Variants in FRMD6 observed in about 807,000 individuals in gnomAD.
FRMD6 encodes the protein FERM domain containing 6, also known as FERM domain-containing protein 6.
FRMD6 carries 37 observed loss-of-function variants against 73.2 expected under a neutral mutation model. The ratio of observed to expected loss-of-function variants is 0.51; its 90% CI spans 0.39 to 0.66. The LOEUF (loss-of-function observed/expected upper bound fraction) is 0.66, where lower values mean the gene tolerates loss of function less well. FRMD6 is among the 30% of genes least tolerant of loss of function. The pLI is 0.00. For synonymous variants in FRMD6, 273 were observed against 282.2 expected (o/e 0.97, Z 0.33); for missense variants, 714 against 780.5 (o/e 0.91, Z 1.02).
intron 2 of FRMD6, chr14:51,599,685 C>A (rs931413130): frequency 6.6e-6 from 1 of 152,088 alleles, no homozygotes; most frequent in Non-Finnish European, 1.5e-5. Flanking sequence ...GGGCAAAAGA[C>A]ACAAACAGAC....
At chr14:51,545,626 G>A (rs889445903) in intron 1 of FRMD6, among the ~76,000 whole-genome samples, 2 of 151,974 alleles carry the variant, frequency 1.3e-5, no homozygotes, top group Non-Finnish European at 2.9e-5. Context: ...ACTGCCTCCC[G>A]GGTAAGTTTA....
chr14:51,727,171 A>G (rs1007290365), intron 13 of FRMD6, among the ~76,000 whole-genome samples: 1 of 152,142 alleles, frequency 6.6e-6, no homozygotes, highest in Non-Finnish European at 1.5e-5. Flanking sequence ...CACCAAGAAC[A>G]CTTTATATTC....
At chr14:51,506,418 G>C (rs1288569083) in intron 1 of FRMD6, among the ~76,000 whole-genome samples, 1 of 152,302 alleles carries the variant, frequency 6.6e-6, no homozygotes, top group Non-Finnish European at 1.5e-5. Flanking sequence ...GCGAAAAGAG[G>C]CTCCAAGAGA....
the FRMD6 span, among the ~76,000 whole-genome samples, chr14:51,417,272 T>C: frequency 4.6e-5 from 7 of 152,300 alleles, no homozygotes; most frequent in South Asian, 1.2e-3. Flanking sequence ...ATTTGGCATG[T>C]TTTTGCAGTG....
chr14:51,455,583 A>G, the FRMD6 span, among the ~76,000 whole-genome samples: 3 of 152,322 alleles, frequency 2.0e-5, no homozygotes, highest in Admixed American at 2.0e-4. Context: ...GAGTTTTGCC[A>G]TCATCAGTCT....
intron 2 of FRMD6, among the ~76,000 whole-genome samples, chr14:51,633,086 A>G (rs1171231166): frequency 6.6e-6 from 1 of 152,232 alleles, no homozygotes; most frequent in Non-Finnish European, 1.5e-5. Context: ...AAATAGATGT[A>G]GCAAATAAAG....
intron 11 of FRMD6, 101 bp downstream of exon 11, chr14:51,720,491 G>A (rs920968308): frequency 2.0e-6 from 2 of 1,017,204 alleles, no homozygotes; most frequent in Admixed American, 4.3e-5. Context: ...TTAGGCAGTA[G>A]TAATAAAGTG....
chr14:51,689,827 C>A lies in FRMD6; in HGVS notation c.-10C>A, dbSNP rs753578612. 6.3e-7 allele frequency: 1 copy of A among 1,590,402 alleles called. No homozygotes were observed. The highest frequency in any genetic ancestry group is 8.6e-7 in the Non-Finnish European group (1 of 1,159,954). On this transcript the variant is annotated 5_prime_UTR_variant, in exon 2 of 14. Transcript: ENST00000344768. Reference sequence around the variant, plus strand: ...AGCCCAGCCCTGACCACCAGAGTGCCCAAAACACAATGAACAAATTGAATT... The same window carrying A: ...AGCCCAGCCCTGACCACCAGAGTGCACAAAACACAATGAACAAATTGAATT...
intron 1 of FRMD6, among the ~76,000 whole-genome samples, chr14:51,663,842 C>T (rs1225011963): frequency 6.6e-6 from 1 of 152,232 alleles, no homozygotes; most frequent in African/African-American, 2.4e-5. Flanking sequence ...CCCAGGTCAT[C>T]CCATGGTGGA....
the FRMD6 span, among the ~76,000 whole-genome samples, chr14:51,455,613 G>A: frequency 2.6e-5 from 4 of 152,218 alleles, no homozygotes; most frequent in East Asian, 5.8e-4. Flanking sequence ...TGGGTGAGTC[G>A]CTTAACTTCT....
the FRMD6 span, among the ~76,000 whole-genome samples, chr14:51,466,669 A>T: frequency 6.6e-6 from 1 of 152,334 alleles, no homozygotes; most frequent in East Asian, 1.9e-4. Context: ...AAATTTTAAA[A>T]GAAAGCTAAG....
At chr14:51,718,240 C>G (rs1897339010) in intron 10 of FRMD6, among the ~76,000 whole-genome samples, 1 of 152,166 alleles carries the variant, frequency 6.6e-6, no homozygotes, top group Non-Finnish European at 1.5e-5. Flanking sequence ...ATGTGGAACA[C>G]CCAGGCCATG....
intron 1 of FRMD6, chr14:51,546,936 T>C (rs1329296124): frequency 6.6e-6 from 1 of 151,860 alleles, no homozygotes; most frequent in Admixed American, 6.6e-5. Context: ...TTATAACACC[T>C]CCTGCCAGGC....
chr14:51,621,857 A>G (rs1890939903), intron 2 of FRMD6, among the ~76,000 whole-genome samples: 1 of 151,852 alleles, frequency 6.6e-6, no homozygotes, highest in African/African-American at 2.4e-5. Flanking sequence ...TATAACTGAA[A>G]CTCCCCATCT....
the FRMD6 span, among the ~76,000 whole-genome samples, chr14:51,472,315 A>AT: frequency 6.6e-6 from 1 of 151,702 alleles, no homozygotes; most frequent in Admixed American, 6.6e-5. Flanking sequence ...AATAATAATT[A>AT]TTTTTTGAGA....
At chr14:51,437,331 C>T in the FRMD6 span, among the ~76,000 whole-genome samples, 3 of 152,200 alleles carry the variant, frequency 2.0e-5, no homozygotes, top group Non-Finnish European at 4.4e-5. Context: ...GGGATGGAGT[C>T]TCGCTCTGTC....
At chr14:51,668,260 A>G (rs1210008215) in intron 1 of FRMD6, among the ~76,000 whole-genome samples, 1 of 152,198 alleles carries the variant, frequency 6.6e-6, no homozygotes, top group Non-Finnish European at 1.5e-5. Context: ...ATTACATATT[A>G]TACATTTAAG....
Position 51,729,220 on chromosome 14 carries a change from C to T in FRMD6, c.*1191C>T, listed in dbSNP as rs572507119. ...GACCGATTACATCATTCTCTTGTGGCGGGACCCAAGTAGAATTGCCTTTTC... is the reference window on the plus strand; with the variant it reads ...GACCGATTACATCATTCTCTTGTGGTGGGACCCAAGTAGAATTGCCTTTTC... On this transcript the variant is annotated 3_prime_UTR_variant, in exon 14 of 14. Transcript: ENST00000344768. 2.6e-5 allele frequency: 4 copies of T among 152,162 alleles called. No homozygotes were observed. Among genetic ancestry groups the T allele is most frequent in the South Asian group, 2.1e-4 (1 of 4,808 alleles). The allele number at this position is 152,162 out of a possible 1,614,324, so 9.4% of individuals were successfully genotyped here.
the FRMD6 span, among the ~76,000 whole-genome samples, chr14:51,469,510 G>A: frequency 2.0e-5 from 3 of 150,724 alleles, no homozygotes; most frequent in Non-Finnish European, 4.4e-5. Flanking sequence ...CTACTCGGGA[G>A]GCTGAGGCAG....
Sources: allele counts gnomAD v4.1 joint callset (sites outside exome capture counted in the v4.1 genomes callset), GRCh38; gene constraint gnomAD v4.1.1; transcripts MANE v1.5; gene names NCBI Gene and HGNC (gene_info 2026-07-23, HGNC 2026-07-21).